Variants in RPS6KA2 observed in about 807,000 individuals in gnomAD.
RPS6KA2 encodes the protein ribosomal protein S6 kinase A2.
A neutral mutation model predicts 91.8 loss-of-function variants in RPS6KA2; 42 were observed. The observed-to-expected ratio is 0.46, with a 90% CI of 0.36 to 0.59. The LOEUF (loss-of-function observed/expected upper bound fraction) is 0.59, where lower values mean the gene tolerates loss of function less well. Ranked by LOEUF, RPS6KA2 falls within the 20% of genes least tolerant of loss-of-function variation. The pLI is 0.00. For synonymous variants in RPS6KA2, 414 were observed against 393.6 expected (o/e 1.05, Z -0.61); for missense variants, 798 against 978.5 (o/e 0.82, Z 2.46).
At chr6:166,742,246 G>A (rs1790837440) in intron 2 of RPS6KA2, among the ~76,000 whole-genome samples, 1 of 152,126 alleles carries the variant, frequency 6.6e-6, no homozygotes, top group East Asian at 1.9e-4. Flanking sequence ...GTGTGCACAG[G>A]GCTTTTCAAA....
chr6:166,538,025 T>C (rs1562565270), intron 2 of RPS6KA2, among the ~76,000 whole-genome samples: 1 of 152,246 alleles, frequency 6.6e-6, no homozygotes, highest in Non-Finnish European at 1.5e-5. Context: ...CTTTTATTGC[T>C]GCAATTTGAA....
At chr6:166,700,912 G>A (rs1436959145) in intron 2 of RPS6KA2, among the ~76,000 whole-genome samples, 2 of 152,150 alleles carry the variant, frequency 1.3e-5, no homozygotes, top group African/African-American at 4.8e-5. Context: ...ATACATTTCA[G>A]AGAGCATAAA....
At chr6:166,671,940 C>T (rs1405666409) in intron 2 of RPS6KA2, among the ~76,000 whole-genome samples, 1 of 152,134 alleles carries the variant, frequency 6.6e-6, no homozygotes, top group African/African-American at 2.4e-5. Context: ...TAGGAAGGTC[C>T]ATTCTCAGTT....
chr6:166,700,971 A>C, intron 2 of RPS6KA2: 1 of 768,264 alleles, frequency 1.3e-6, no homozygotes, highest in African/African-American at 1.7e-5. Context: ...TGGTCCTCAG[A>C]AACAAGTGGC....
At chr6:166,569,687 G>C (rs3799609) in intron 1 of RPS6KA2, among the ~76,000 whole-genome samples, 51,641 of 152,076 alleles carry the variant, frequency 0.34, 9,574 homozygotes, top group East Asian at 0.6. Context: ...CTTGGGAGCT[G>C]TGGACTTCTG....
At chr6:166,791,896 G>C (rs1335258501) in intron 2 of RPS6KA2, among the ~76,000 whole-genome samples, 2 of 151,750 alleles carry the variant, frequency 1.3e-5, no homozygotes, top group African/African-American at 2.4e-5. Context: ...AGTACTAAAT[G>C]CCCACAAGAG....
intron 2 of RPS6KA2, among the ~76,000 whole-genome samples, chr6:166,655,699 C>T (rs1787980837): frequency 6.6e-6 from 1 of 152,228 alleles, no homozygotes; most frequent in Non-Finnish European, 1.5e-5. Flanking sequence ...TATCTCATAG[C>T]TAGTAAGATC....
chr6:166,743,323 C>T (rs1026338173), intron 2 of RPS6KA2, among the ~76,000 whole-genome samples: 1 of 152,236 alleles, frequency 6.6e-6, no homozygotes, highest in Non-Finnish European at 1.5e-5. Flanking sequence ...GGTGCCATTC[C>T]CCCAGGAAGG....
chr6:166,590,513 G>C (rs1004525288), intron 1 of RPS6KA2, among the ~76,000 whole-genome samples: 3 of 152,164 alleles, frequency 2.0e-5, no homozygotes, highest in African/African-American at 7.2e-5. Context: ...GAAGAATCCA[G>C]ACATGCAGCA....
At chr6:166,681,282 C>G (rs897994452) in intron 2 of RPS6KA2, among the ~76,000 whole-genome samples, 2 of 152,212 alleles carry the variant, frequency 1.3e-5, no homozygotes, top group African/African-American at 4.8e-5. Context: ...AAGTGGGTTG[C>G]ACAATGGACT....
At position 166,459,436 on chromosome 6, in the gene RPS6KA2, C is replaced by T. The variant is rs1275717079; in HGVS notation, c.1075+13G>A. On this transcript the variant is annotated intron_variant, in intron 12 of 20. Coordinates refer to ENST00000265678, the MANE Select transcript of RPS6KA2 (RefSeq NM_021135.6). This position sits in a 1 kb window ranked among gnomAD's most constrained non-coding sequence, Gnocchi z 4.9. ...GAGAAGCCACCGATAGAGGGAACCA[C>T]TGTGGCACACACCTGTGGGCGTCCG... 1 of 1,598,882 alleles carries T rather than the reference C, an allele frequency of 6.3e-7. No homozygotes were observed. Among genetic ancestry groups the T allele is most frequent in the Non-Finnish European group, 8.6e-7 (1 of 1,166,712 alleles).
rs1458440703 is a variant in RPS6KA2, at chr6:166,412,097, C to A, written c.*665G>T. 6.6e-6 allele frequency: 1 copy of A among 152,528 alleles called. No homozygotes were observed. Among genetic ancestry groups the A allele is most frequent in the Admixed American group, 6.5e-5 (1 of 15,290 alleles). The allele number at this position is 152,528 out of a possible 1,614,324, so 9.4% of individuals were successfully genotyped here. A position where few individuals can be genotyped will look rare whatever the true frequency, so the allele number is the denominator to read the frequency against. ...GGAGCTCTCAAGGCAAAGATCCAGC[C>A]TGCCTTCCTCTCGTCTGGGCTCTTA... On this transcript the variant is annotated 3_prime_UTR_variant, in exon 21 of 21. Transcript: ENST00000265678. This position sits in a 1 kb window ranked among gnomAD's most constrained non-coding sequence, Gnocchi z 4.3.
chr6:166,539,375 T>C (rs1320925713), intron 1 of RPS6KA2, among the ~76,000 whole-genome samples: 2 of 152,214 alleles, frequency 1.3e-5, no homozygotes, highest in Non-Finnish European at 2.9e-5. Flanking sequence ...TTCTGCTCTT[T>C]AACAGTCTGG....
rs1171050695 is a variant in RPS6KA2 at position 166,849,915 on chromosome 6, C to T, written c.123+8285G>A. On this transcript the variant is annotated intron_variant, in intron 2 of 21. Coordinates refer to the RPS6KA2 transcript ENST00000503859. This position sits in a 1 kb window ranked among gnomAD's most constrained non-coding sequence, Gnocchi z 4.9. ...CCAGGGGCACTCATGCCTGGCTCCG[C>T]TGTGCCCACGGGGCCTCCACCAGAG... Among the ~76,000 whole-genome samples, 2 of 152,232 alleles carry T rather than the reference C, an allele frequency of 1.3e-5. No individual in the cohort carries two copies. Among genetic ancestry groups the T allele is most frequent in the Non-Finnish European group, 2.9e-5 (2 of 68,042 alleles).
intron 2 of RPS6KA2, among the ~76,000 whole-genome samples, chr6:166,713,786 G>A (rs1789935124): frequency 6.6e-6 from 1 of 152,020 alleles, no homozygotes; most frequent in African/African-American, 2.4e-5. Flanking sequence ...TGCCTGTGAT[G>A]TCCTGGGGTC....
At chr6:166,768,924 G>T (rs1380022469) in intron 2 of RPS6KA2, among the ~76,000 whole-genome samples, 1 of 152,186 alleles carries the variant, frequency 6.6e-6, no homozygotes, top group African/African-American at 2.4e-5. Flanking sequence ...GGCTCCGGGG[G>T]TTCTCCCATG....
intron 2 of RPS6KA2, among the ~76,000 whole-genome samples, chr6:166,686,040 G>C (rs1027144457): frequency 1.3e-5 from 2 of 152,190 alleles, no homozygotes; most frequent in African/African-American, 4.8e-5. Context: ...TAATGAGAAC[G>C]AATGACTGGG....
rs573854490 is a variant in RPS6KA2 at position 166,655,847 on chromosome 6, G to A, written c.124-117063C>T. On this transcript the variant is annotated intron_variant, in intron 2 of 21. Coordinates refer to the RPS6KA2 transcript ENST00000503859. ...AAGATGTGCAGGCCCACGGCTCAGC[G>A]ACTCCACCTCAGGACTACATGGAGC... is the stretch of plus-strand genomic sequence containing the variant. 7.9e-5 allele frequency among the ~76,000 whole-genome samples: 12 copies of A among 152,254 alleles called. No individual in the cohort carries two copies. The East Asian group carries it at 1.9e-3, about 24-fold the overall frequency.
chr6:166,646,520 TG>T (rs1432166053), intron 2 of RPS6KA2, among the ~76,000 whole-genome samples: 1 of 152,248 alleles, frequency 6.6e-6, no homozygotes, highest in African/African-American at 2.4e-5. Context: ...ACATTGCATC[TG>T]TGCAGCGCAA....
Sources: allele counts gnomAD v4.1 joint callset (sites outside exome capture counted in the v4.1 genomes callset), GRCh38; gene constraint gnomAD v4.1.1; non-coding constraint Gnocchi (gnomAD v3.1); transcripts MANE v1.5; gene names NCBI Gene and HGNC (gene_info 2026-07-23, HGNC 2026-07-21).